Variants in SMCHD1 observed in about 807,000 individuals in gnomAD.
SMCHD1 encodes the protein structural maintenance of chromosomes flexible hinge domain containing 1, also known as structural maintenance of chromosomes flexible hinge domain-containing protein 1.
SMCHD1 carries 78 observed loss-of-function variants against 254.7 expected under a neutral mutation model. The ratio of observed to expected loss-of-function variants is 0.31; its 90% CI spans 0.26 to 0.37. The LOEUF (loss-of-function observed/expected upper bound fraction) is 0.37, where lower values mean the gene tolerates loss of function less well. Ranked by LOEUF, SMCHD1 falls within the 10% of genes least tolerant of loss-of-function variation. The pLI is 1.00. For synonymous variants in SMCHD1, 766 were observed against 794.9 expected, an observed-to-expected ratio of 0.96 and a Z score of 0.61; for missense variants, 1,840 against 2,408.1, an observed-to-expected ratio of 0.76 and a Z score of 4.94.
rs564312878 is a variant in SMCHD1, at chr18:2,718,453, T to C, written c.2458+19T>C. 42 of 1,567,616 alleles carry C rather than the reference T, an allele frequency of 2.7e-5. No homozygotes were observed. Among genetic ancestry groups the C allele is most frequent in the South Asian group, 3.6e-5 (3 of 84,080 alleles). ...GTTAAAGGTAAGCAAAACAGTAATA[T>C]ATAATTATATATGCTAAAGGTGGCA... On this transcript the variant is annotated intron_variant, in intron 19 of 47. Transcript: ENST00000320876. This position sits in a 1 kb window ranked among gnomAD's most constrained non-coding sequence, Gnocchi z 4.6.
At chr18:2,777,068 C>A (rs962567962) in intron 42 of SMCHD1, among the ~76,000 whole-genome samples, 8 of 148,282 alleles carry the variant, frequency 5.4e-5, no homozygotes, top group African/African-American at 1.5e-4. Context: ...CACCTCCCCC[C>A]CCCATACCCT....
intron 34 of SMCHD1, among the ~76,000 whole-genome samples, chr18:2,758,239 CT>C (rs2075720154): frequency 6.6e-6 from 1 of 151,712 alleles, no homozygotes; most frequent in East Asian, 1.9e-4. Context: ...TCCTGTTTTC[CT>C]TTTTGATTTA....
rs1202818599 is a variant in SMCHD1, at chr18:2,718,535, G to A, written c.2458+101G>A. Reference sequence around the variant, plus strand: ...CATTAAAAGATGTTTGAACAATTGGGTAACCATCTCGATTTTATTTTATTT... The same window carrying A: ...CATTAAAAGATGTTTGAACAATTGGATAACCATCTCGATTTTATTTTATTT... On this transcript the variant is annotated intron_variant, in intron 19 of 47. Coordinates refer to ENST00000320876, the MANE Select transcript of SMCHD1 (RefSeq NM_015295.3). The surrounding 1 kb of genome is among the most constrained non-coding windows in gnomAD (Gnocchi z 4.6). 1.0e-6 allele frequency: 1 copy of A among 1,001,754 alleles called. No homozygotes were observed. Among genetic ancestry groups the A allele is most frequent in the Non-Finnish European group, 1.4e-6 (1 of 706,050 alleles). The allele number at this position is 1,001,754 out of a possible 1,614,324, so 62.1% of individuals were successfully genotyped here.
intron 10 of SMCHD1, among the ~76,000 whole-genome samples, chr18:2,699,648 C>T (rs2074357675): frequency 6.6e-6 from 1 of 152,180 alleles, no homozygotes; most frequent in Non-Finnish European, 1.5e-5. Flanking sequence ...CCATCTCTGA[C>T]CTCTTAAATT....
intron 27 of SMCHD1, among the ~76,000 whole-genome samples, chr18:2,740,477 T>C (rs996828623): frequency 6.6e-6 from 1 of 152,164 alleles, no homozygotes; most frequent in African/African-American, 2.4e-5. Context: ...AAAAATCTGA[T>C]TAACATTAGC....
At chr18:2,729,431 T>C (rs1417650386) in intron 24 of SMCHD1, 22 bp downstream of exon 24, 21 of 1,480,112 alleles carry the variant, frequency 1.4e-5, no homozygotes, top group Non-Finnish European at 1.9e-5. Context: ...TTGTTACTCA[T>C]TGATATTATA....
intron 1 of SMCHD1, among the ~76,000 whole-genome samples, chr18:2,663,819 A>G (rs1468471185): frequency 6.6e-6 from 1 of 151,552 alleles, no homozygotes; most frequent in Non-Finnish European, 1.5e-5. Context: ...GGTTCACGCC[A>G]TTCTCCTGCC....
chr18:2,736,467 A>ACAGC (rs1354733159), intron 25 of SMCHD1, among the ~76,000 whole-genome samples: 2 of 152,194 alleles, frequency 1.3e-5, no homozygotes, highest in Admixed American at 6.5e-5. Context: ...GTGTAAACAG[A>ACAGC]CAGCCTACAG....
rs2076162704 is a variant in SMCHD1 at position 2,791,398 on chromosome 18, A to T, written c.5720-4551A>T. ...TGAGACCAGCCTGGGCAATACAGTG[A>T]CACCTAATCTCTACAGAAAATAAAA... On this transcript the variant is annotated intron_variant, in intron 45 of 47. Transcript: ENST00000320876. Among the ~76,000 whole-genome samples the T allele has an allele frequency of 2.0e-5, 3 of 152,164 alleles. No homozygotes were observed. The South Asian group carries it at 6.2e-4, about 32-fold the overall frequency.
rs2076420860 is a variant in SMCHD1, at chr18:2,804,947, A to G, written c.*2395A>G. 6.6e-6 allele frequency: 1 copy of G among 152,206 alleles called. No individual in the cohort carries two copies. The highest frequency in any genetic ancestry group is 2.4e-5 in the African/African-American group (1 of 41,446). 9.4% of individuals were successfully genotyped at this position (152,206 alleles called of 1,614,324 possible). The stretch of plus-strand genomic sequence containing the variant: ...TTTTTTTTCTGGTTTCTTCTTCCAA[A>G]GGAAAATAATAGCCTACTTGTATTT... On this transcript the variant is annotated 3_prime_UTR_variant, in exon 48 of 48. Transcript: ENST00000320876.
intron 5 of SMCHD1, among the ~76,000 whole-genome samples, chr18:2,675,461 C>T (rs373970448): frequency 1.3e-5 from 2 of 152,020 alleles, no homozygotes; most frequent in South Asian, 2.1e-4. Flanking sequence ...GATGGGGTTT[C>T]ACCATGTTGG....
chr18:2,692,827 G>A (rs2074208570), intron 7 of SMCHD1, among the ~76,000 whole-genome samples: 2 of 152,184 alleles, frequency 1.3e-5, no homozygotes, highest in South Asian at 4.1e-4. Context: ...GATGGAATTT[G>A]TAGAGCACAA....
At chr18:2,665,287 T>C (rs1411955162) in intron 1 of SMCHD1, among the ~76,000 whole-genome samples, 1 of 152,206 alleles carries the variant, frequency 6.6e-6, no homozygotes, top group African/African-American at 2.4e-5. Flanking sequence ...TGTTGATCCT[T>C]GTCACCCTTT....
chr18:2,785,647 CAAAAAAAAAA>C (rs1555656125), intron 45 of SMCHD1, among the ~76,000 whole-genome samples: 1 of 12,670 alleles, frequency 7.9e-5, no homozygotes. Flanking sequence ...GACTCTGTCT[CAAAAAAAAAA>C]AAAAAAAAAA....
Position 2,729,385 on chromosome 18 carries a change from G to A in SMCHD1, c.3024G>A (p.Thr1008=), listed in dbSNP as rs781311866. The A allele has an allele frequency of 3.3e-6, 5 of 1,533,862 alleles. No individual in the cohort carries two copies. The highest frequency in any genetic ancestry group is 2.5e-5 in the South Asian group (2 of 79,998). ...IQVQNIKKDQ[T]LKARIEIPSC... The stretch of plus-strand genomic sequence containing the variant: ...TTCAGAATATTAAAAAAGACCAGAC[G>A]CTTAAAGCAAGAATTGAAATACCTG... Residue 1008 remains threonine (T), a synonymous_variant, in exon 24 of 48, where the codon ACG becomes ACA. Coordinates refer to ENST00000320876, the MANE Select transcript of SMCHD1 (RefSeq NM_015295.3).
chr18:2,764,452 C>G (rs2075835039), intron 37 of SMCHD1, among the ~76,000 whole-genome samples: 1 of 152,222 alleles, frequency 6.6e-6, no homozygotes, highest in African/African-American at 2.4e-5. Flanking sequence ...TTAATGACCA[C>G]AGTTTATTTG....
At chr18:2,689,220 C>CT (rs71159003) in intron 7 of SMCHD1, among the ~76,000 whole-genome samples, 54,948 of 132,010 alleles carry the variant, frequency 0.42, 12,871 homozygotes, top group East Asian at 0.6. Context: ...GATTTTTTTT[C>CT]TTTTTTTTTT....
chr18:2,749,596 T>G (rs2075533488), intron 30 of SMCHD1, among the ~76,000 whole-genome samples: 1 of 152,186 alleles, frequency 6.6e-6, no homozygotes. Flanking sequence ...GAAGTGTATC[T>G]GAGTAGACTT....
chr18:2,803,276 C>G lies in SMCHD1; in HGVS notation c.*724C>G, dbSNP rs1016938493. The stretch of plus-strand genomic sequence containing the variant: ...AGTTTTATAACTATTGTTTGTTTGA[C>G]TTTATTAATACTAGAATATGTAGTC... On this transcript the variant is annotated 3_prime_UTR_variant, in exon 48 of 48. Coordinates refer to ENST00000320876, the MANE Select transcript of SMCHD1 (RefSeq NM_015295.3). 4 of 148,682 alleles carry G rather than the reference C, an allele frequency of 2.7e-5. No individual in the cohort carries two copies. Among genetic ancestry groups the G allele is most frequent in the African/African-American group, 7.4e-5 (3 of 40,704 alleles). The allele number at this position is 148,682 out of a possible 1,614,324, so 9.2% of individuals were successfully genotyped here.
Sources: gnomAD v4.1 joint callset for allele counts (sites outside exome capture counted in the v4.1 genomes callset) on GRCh38, gnomAD v4.1.1 for gene constraint, Gnocchi (gnomAD v3.1) non-coding constraint, MANE v1.5 for transcripts, NCBI Gene and HGNC (gene_info 2026-07-23, HGNC 2026-07-21) for gene names.